Variants in DDX46 observed in about 807,000 individuals in gnomAD.
DDX46 encodes the protein DEAD-box helicase 46.
A neutral mutation model predicts 134.9 loss-of-function variants in DDX46; 30 were observed. The ratio of observed to expected loss-of-function variants is 0.22; its 90% CI spans 0.17 to 0.30. The LOEUF (loss-of-function observed/expected upper bound fraction) is 0.30, where lower values mean the gene tolerates loss of function less well. Among genes scored for constraint, DDX46 ranks in the 10% least tolerant of loss-of-function variants. DDX46 has a pLI of 1.00. For synonymous variants in DDX46, 415 were observed against 404.1 expected, an observed-to-expected ratio of 1.03 and a Z score of -0.32; for missense variants, 622 against 1,248.7, an observed-to-expected ratio of 0.50 and a Z score of 7.56.
rs149506909 is a variant in DDX46, at chr5:134,821,625, T to C, written c.2977+2621T>C. Among the ~76,000 whole-genome samples, 1,230 of 151,556 alleles carry C rather than the reference T, an allele frequency of 8.1e-3. 17 individuals are homozygous for C. Among genetic ancestry groups the C allele is most frequent in the African/African-American group, 0.027 (1,121 of 41,258 alleles). On this transcript the variant is annotated intron_variant, in intron 21 of 22. Coordinates refer to ENST00000452510, the MANE Select transcript of DDX46 (RefSeq NM_001300860.2). ...TCGGCTCACTGCAACGGCGCAATTT[T>C]GGCTCACTGCAACCTCTGCCTCCCA...
intron 17 of DDX46, 101 bp downstream of exon 17, chr5:134,811,459 GC>G: frequency 6.9e-7 from 1 of 1,451,300 alleles, no homozygotes; most frequent in Non-Finnish European, 9.2e-7. Context: ...TGAAAATTTT[GC>G]TACGACTATT....
Position 134,777,696 on chromosome 5 carries a change from A to G in DDX46, c.736A>G (p.Ser246Gly). The G allele has an allele frequency of 6.2e-7, 1 of 1,612,548 alleles. No individual in the cohort carries two copies. The highest frequency in any genetic ancestry group is 8.5e-7 in the Non-Finnish European group (1 of 1,179,640). Residue 246 changes from serine (S) to glycine (G), a missense_variant, in exon 6 of 23, where the codon AGT (serine) becomes GGT (glycine). Around this residue, in one of 8 missense-constraint regions of DDX46, gnomAD observed 244 missense variants for 349.3 expected, o/e 0.70. Coordinates refer to ENST00000452510, the MANE Select transcript of DDX46 (RefSeq NM_001300860.2). ...KEEVKKFNMR[S>G]VKGGGGNEKK... Reference sequence around the variant, plus strand: ...GGAAGTAAAAAAATTTAACATGAGAAGTGTAAAAGGTGGTGGGGGAAATGA... The same window carrying G: ...GGAAGTAAAAAAATTTAACATGAGAGGTGTAAAAGGTGGTGGGGGAAATGA...
intron 1 of DDX46, among the ~76,000 whole-genome samples, chr5:134,762,188 G>T (rs1753405575): frequency 6.7e-6 from 1 of 149,916 alleles, no homozygotes; most frequent in Admixed American, 6.7e-5. Context: ...GAGGTGGGAA[G>T]ATGCTTGAGG....
intron 13 of DDX46, 130 bp from the exon 14 acceptor site, chr5:134,794,720 A>G: frequency 1.8e-6 from 2 of 1,133,114 alleles, no homozygotes; most frequent in Non-Finnish European, 2.5e-6. Flanking sequence ...ATTTCTTGAG[A>G]TTGGGAGACT....
chr5:134,775,675 G>T (rs1325943370), intron 5 of DDX46, among the ~76,000 whole-genome samples: 1 of 152,110 alleles, frequency 6.6e-6, no homozygotes. Flanking sequence ...CCTATTTTTA[G>T]TAGAGATGGG....
intron 4 of DDX46, among the ~76,000 whole-genome samples, chr5:134,771,943 A>G (rs1753786019): frequency 1.3e-5 from 2 of 152,066 alleles, no homozygotes; most frequent in African/African-American, 4.8e-5. Context: ...ATAAATTTCG[A>G]CTTAAGGCTG....
At chr5:134,799,889 A>G (rs977372329) in intron 15 of DDX46, among the ~76,000 whole-genome samples, 2 of 152,140 alleles carry the variant, frequency 1.3e-5, no homozygotes, top group Admixed American at 6.5e-5. Context: ...TTAAAAACAA[A>G]CCAAAAAAAA....
chr5:134,788,605 A>T lies in DDX46; in HGVS notation c.1543+14A>T. On this transcript the variant is annotated intron_variant, in intron 12 of 22. Transcript: ENST00000452510. ...CCGCTAACAGTGGTAAGTCAGGGGT[A>T]TTTTTTTGGTGTCTTTTATTTTTGA... The T allele has an allele frequency of 3.1e-6, 5 of 1,609,200 alleles. No individual in the cohort carries two copies. Among genetic ancestry groups the T allele is most frequent in the Non-Finnish European group, 4.2e-6 (5 of 1,177,544 alleles).
At chr5:134,820,864 C>CTT (rs1180909732) in intron 21 of DDX46, among the ~76,000 whole-genome samples, 2,098 of 123,174 alleles carry the variant, frequency 0.017, 39 homozygotes, top group African/African-American at 0.045. Context: ...CTTTTCTTTT[C>CTT]TTTTTTTTTT....
chr5:134,777,841 C>T, intron 6 of DDX46, 116 bp downstream of exon 6: 1 of 1,241,774 alleles, frequency 8.1e-7, no homozygotes, highest in Non-Finnish European at 1.1e-6. Context: ...TCTTTCTCCT[C>T]ATCTGAGAGA....
chr5:134,790,271 G>A (rs868125627), intron 12 of DDX46, 199 bp from the exon 13 acceptor site: 3 of 630,180 alleles, frequency 4.8e-6, no homozygotes, highest in African/African-American at 3.7e-5. Context: ...TATACCCATT[G>A]TCAGAAAGTA....
At chr5:134,770,822 A>AG in intron 3 of DDX46, 81 bp from the exon 4 acceptor site, 1 of 1,328,854 alleles carries the variant, frequency 7.5e-7, no homozygotes, top group Non-Finnish European at 1.0e-6. Flanking sequence ...GTCTCAAAAA[A>AG]AAAAAAAAAA....
At chr5:134,812,336 A>T (rs1379007626) in intron 18 of DDX46, among the ~76,000 whole-genome samples, 1 of 152,104 alleles carries the variant, frequency 6.6e-6, no homozygotes, top group East Asian at 1.9e-4. Context: ...AAGTGCTGGG[A>T]TTACAGGCGT....
Position 134,817,657 on chromosome 5 carries a change from A to G in DDX46, c.2775A>G (p.Gly925=). Residue 925 remains glycine, a synonymous_variant, in exon 20 of 23, where the codon GGA becomes GGG. Transcript: ENST00000452510. ...EKQEEERQDG[G]QNESFKRYEE... ...AAGAAGAAGAGAGACAGGATGGTGGACAGAATGAATCTTTTAAGAGATATG... is the reference window on the plus strand; with the variant it reads ...AAGAAGAAGAGAGACAGGATGGTGGGCAGAATGAATCTTTTAAGAGATATG... The G allele has an allele frequency of 6.2e-7, 1 of 1,614,190 alleles. No individual in the cohort carries two copies. Among genetic ancestry groups the G allele is most frequent in the Non-Finnish European group, 8.5e-7 (1 of 1,180,024 alleles).
At chr5:134,782,153 A>G (rs1260668921) in intron 8 of DDX46, 67 bp downstream of exon 8, 1 of 1,398,698 alleles carries the variant, frequency 7.1e-7, no homozygotes, top group Non-Finnish European at 9.6e-7. Context: ...ACATTGCTCA[A>G]GAGAAATGTG....
chr5:134,790,703 A>G (rs1754476477), intron 13 of DDX46, 151 bp downstream of exon 13: 2 of 634,516 alleles, frequency 3.2e-6, no homozygotes, highest in Non-Finnish European at 2.6e-6. Flanking sequence ...GTATTGAAGT[A>G]CATATTTATG....
intron 8 of DDX46, 112 bp from the exon 9 acceptor site, chr5:134,782,833 C>A: frequency 7.4e-7 from 1 of 1,353,348 alleles, no homozygotes; most frequent in Non-Finnish European, 9.9e-7. Flanking sequence ...CAGGTGTGAG[C>A]CGCTGGGTCT....
At chr5:134,808,800 A>G (rs758231157) in intron 16 of DDX46, among the ~76,000 whole-genome samples, 4 of 152,184 alleles carry the variant, frequency 2.6e-5, no homozygotes, top group African/African-American at 4.8e-5. Flanking sequence ...GACATTGATT[A>G]TGATATATTT....
At chr5:134,794,515 CAGTA>C (rs1225530224) in intron 13 of DDX46, among the ~76,000 whole-genome samples, 1 of 152,136 alleles carries the variant, frequency 6.6e-6, no homozygotes, top group African/African-American at 2.4e-5. Context: ...GTACTTAGAA[CAGTA>C]CCTGGTTCAA....
Sources: gnomAD v4.1 joint callset for allele counts (sites outside exome capture counted in the v4.1 genomes callset) on GRCh38, gnomAD v4.1.1 for gene constraint, gnomAD v4.1.1 regional missense constraint, MANE v1.5 for transcripts, NCBI Gene and HGNC (gene_info 2026-07-23, HGNC 2026-07-21) for gene names.